The following PRPF3 variants were observed in gnomAD, a reference collection of about 807,000 sequenced individuals.
The protein encoded by PRPF3 is U4/U6 small nuclear ribonucleoprotein Prp3.
In PRPF3, 3 loss-of-function variants were observed where a neutral mutation model predicts 89.2. The observed-to-expected ratio is 0.03, with a 90% CI of 0.02 to 0.09. The LOEUF is 0.09. Ranked by LOEUF, PRPF3 falls within the 10% of genes least tolerant of loss-of-function variation. The pLI is 1.00. For synonymous variants in PRPF3, 270 were observed against 289.1 expected (o/e 0.93, Z 0.67); for missense variants, 463 against 828.8 (o/e 0.56, Z 5.42).
Position 150,335,088 on chromosome 1 carries a change from G to A in PRPF3, c.882G>A (p.Lys294=), listed in dbSNP as rs782584379. The A allele has an allele frequency of 6.2e-7, 1 of 1,614,036 alleles. No individual in the cohort carries two copies. The highest frequency in any genetic ancestry group is 1.1e-5 in the South Asian group (1 of 91,074). Residue 294 remains lysine, a synonymous_variant, in exon 7 of 16, where the codon AAG becomes AAA. Coordinates refer to ENST00000324862, the MANE Select transcript of PRPF3 (RefSeq NM_004698.4). ...NIRAVKREQF[K]QQLKEKPSED... is the part of the protein sequence containing the mutation. ...GTGCTGTGAAGAGGGAACAATTCAA[G>A]CAACAACTAAAGGAAAAGCCATCAG...
intron 4 of PRPF3, among the ~76,000 whole-genome samples, chr1:150,332,421 A>G (rs1656513836): frequency 6.6e-6 from 1 of 152,176 alleles, no homozygotes; most frequent in South Asian, 2.1e-4. Flanking sequence ...ATTCAAACTC[A>G]GGTTTCTCTG....
intron 1 of PRPF3, among the ~76,000 whole-genome samples, chr1:150,323,358 G>T (rs781860602): frequency 6.6e-6 from 1 of 151,588 alleles, no homozygotes; most frequent in Non-Finnish European, 1.5e-5. Flanking sequence ...TGTATTTTTA[G>T]TAGAGACAGG....
At chr1:150,341,394 G>A (rs1220603073) in intron 9 of PRPF3, among the ~76,000 whole-genome samples, 1 of 139,242 alleles carries the variant, frequency 7.2e-6, no homozygotes, top group African/African-American at 2.6e-5. Context: ...AAACAAAGTT[G>A]CTTCTATTTT....
chr1:150,323,182 TTTTTTTTTTTTTTTTG>T (rs1403287133), intron 1 of PRPF3, among the ~76,000 whole-genome samples: 2 of 127,434 alleles, frequency 1.6e-5, no homozygotes, highest in Non-Finnish European at 3.3e-5. Flanking sequence ...GCTTTTTTTT[TTTTTTTTTTTTTTTTG>T]GAGACACAGT....
Position 150,349,161 on chromosome 1 carries a change from T to G in PRPF3, c.1848T>G (p.Asp616Glu). The G allele has an allele frequency of 6.2e-7, 1 of 1,613,358 alleles. No homozygotes were observed. The highest frequency in any genetic ancestry group is 8.5e-7 in the Non-Finnish European group (1 of 1,179,378). Reference protein sequence around the residue: ...EQTSNTKGDDDEESDEEAVKK... With the variant: ...EQTSNTKGDDEEESDEEAVKK... ...GTAACAAGATTTCTCTTCCAGATGA[T>G]GAGGAGTCTGATGAGGAAGCTGTGA... The change falls in exon 15 of 16, where the codon GAT (aspartate) becomes GAG (glutamate). Residue 616 changes from aspartate (D) to glutamate (E), a missense_variant. Around this residue, in one of 8 missense-constraint regions of PRPF3, gnomAD observed 78 missense variants for 96.6 expected, o/e 0.81. Transcript: ENST00000324862.
At chr1:150,335,633 T>G (rs782290894) in intron 7 of PRPF3, among the ~76,000 whole-genome samples, 5 of 151,564 alleles carry the variant, frequency 3.3e-5, no homozygotes, top group African/African-American at 4.9e-5. Context: ...GCCTGGCTAA[T>G]TTTGTATTTT....
In PRPF3 at chr1:150,328,604, A is replaced by G. The variant is rs587697097; in HGVS notation, c.423+138A>G. The G allele has an allele frequency of 1.9e-4, 179 of 941,080 alleles. 1 individual carries two copies. The South Asian group carries it at 2.1e-3, about 11-fold the overall frequency. The allele number at this position is 941,080 out of a possible 1,614,324, so 58.3% of individuals were successfully genotyped here. A position where few individuals can be genotyped will look rare whatever the true frequency, so the allele number is the denominator to read the frequency against. On this transcript the variant is annotated intron_variant, in intron 4 of 15. Coordinates refer to ENST00000324862, the MANE Select transcript of PRPF3 (RefSeq NM_004698.4). ...TTTTGCTCTTGTCACCCAGGCTGGA[A>G]TACAGTGGCGCGATCTCAGCTCACT...
chr1:150,334,482 C>T (rs1184456624), intron 6 of PRPF3, among the ~76,000 whole-genome samples: 1 of 151,768 alleles, frequency 6.6e-6, no homozygotes, highest in Non-Finnish European at 1.5e-5. Flanking sequence ...CTACAAGTGC[C>T]CGTCTAAATT....
At position 150,324,859 on chromosome 1, in the gene PRPF3, T is replaced by C. The variant is rs587666757; in HGVS notation, c.-48-36T>C. The C allele has an allele frequency of 2.7e-5, 41 of 1,534,108 alleles. No homozygotes were observed. The Admixed American group carries it at 7.5e-4, about 28-fold the overall frequency. Reference sequence around the variant, plus strand: ...ACTGCACCCAGCCCACTTTAGTCTTTTCTTATTCTCTAACTTGTCTCTTTT... The same window carrying C: ...ACTGCACCCAGCCCACTTTAGTCTTCTCTTATTCTCTAACTTGTCTCTTTT... On this transcript the variant is annotated intron_variant, in intron 1 of 15. Transcript: ENST00000324862.
intron 12 of PRPF3, 28 bp from the exon 13 acceptor site, chr1:150,345,990 A>AG: frequency 6.4e-7 from 1 of 1,552,130 alleles, no homozygotes; most frequent in Non-Finnish European, 8.9e-7. Context: ...CTAAAATGGA[A>AG]GACATAACTA....
chr1:150,352,388 G>A (rs782006046), intron 15 of PRPF3, among the ~76,000 whole-genome samples: 6 of 152,206 alleles, frequency 3.9e-5, no homozygotes, highest in Admixed American at 1.3e-4. Flanking sequence ...CAAGGAGGCC[G>A]GGCGCGGTGG....
chr1:150,338,089 A>AAAT, intron 7 of PRPF3, 71 bp from the exon 8 acceptor site: 6 of 1,544,560 alleles, frequency 3.9e-6, no homozygotes, highest in Admixed American at 3.7e-5. Flanking sequence ...AAAAAAAAAA[A>AAAT]TTGAGATTCT....
intron 9 of PRPF3, among the ~76,000 whole-genome samples, chr1:150,341,931 T>A (rs1426940220): frequency 1.3e-5 from 2 of 151,456 alleles, no homozygotes; most frequent in African/African-American, 4.8e-5. Flanking sequence ...CTTGAACTCC[T>A]GACCTCAAGT....
At chr1:150,347,309 CACACAT>C (rs1272599731) in intron 14 of PRPF3, among the ~76,000 whole-genome samples, 58 of 151,820 alleles carry the variant, frequency 3.8e-4, no homozygotes, top group East Asian at 1.9e-3. Context: ...CACATGTACA[CACACAT>C]ACACATACAC....
chr1:150,346,324 A>G, intron 13 of PRPF3, 84 bp from the exon 14 acceptor site: 2 of 1,415,902 alleles, frequency 1.4e-6, no homozygotes, highest in Admixed American at 3.4e-5. Flanking sequence ...TGCTTCAACT[A>G]CCACATTAAT....
intron 8 of PRPF3, among the ~76,000 whole-genome samples, chr1:150,338,902 A>G (rs1355884313): frequency 6.6e-6 from 1 of 152,158 alleles, no homozygotes; most frequent in African/African-American, 2.4e-5. Context: ...GACACAATCT[A>G]CAAAAGCAAA....
At chr1:150,325,682 G>A in intron 2 of PRPF3, 69 bp from the exon 3 acceptor site, 1 of 1,574,798 alleles carries the variant, frequency 6.4e-7, no homozygotes, top group African/African-American at 1.4e-5. Flanking sequence ...GTTGGTACCT[G>A]TTATAGGCCT....
chr1:150,330,962 C>T (rs1292289170), intron 4 of PRPF3, among the ~76,000 whole-genome samples: 1 of 151,998 alleles, frequency 6.6e-6, no homozygotes, highest in Non-Finnish European at 1.5e-5. Flanking sequence ...CGTGATCCGC[C>T]CGGCTCGGCC....
intron 8 of PRPF3, among the ~76,000 whole-genome samples, chr1:150,339,328 A>ATCATG (rs1553869364): frequency 6.6e-6 from 1 of 151,394 alleles, no homozygotes; most frequent in Admixed American, 6.6e-5. Flanking sequence ...GTCAGCTATG[A>ATCATG]TCATGACCAC....
Sources: allele counts gnomAD v4.1 joint callset (sites outside exome capture counted in the v4.1 genomes callset), GRCh38; gene constraint gnomAD v4.1.1; regional missense constraint gnomAD v4.1.1; transcripts MANE v1.5; gene names NCBI Gene and HGNC (gene_info 2026-07-23, HGNC 2026-07-21).